Variants in ZNF626 observed in about 807,000 individuals in gnomAD.
ZNF626 encodes the protein CTC-513N18.7.
A neutral mutation model predicts 11.7 loss-of-function variants in ZNF626; 4 were observed. The ratio of observed to expected loss-of-function variants is 0.34; its 90% confidence interval spans 0.17 to 0.78. The LOEUF (loss-of-function observed/expected upper bound fraction) is 0.78. ZNF626 is among the 30% of genes least tolerant of loss of function. The pLI is 0.57. For missense variants in ZNF626, 588 were observed against 587.1 expected (o/e 1.00, Z -0.01); for synonymous variants, 179 against 198.6 (o/e 0.90, Z 0.83).
chr19:20,628,040 T>G (rs9304973), intron 3 of ZNF626, among the ~76,000 whole-genome samples: 68,192 of 151,766 alleles, frequency 0.45, 16,579 homozygotes, highest in African/African-American at 0.64. Context: ...TTTGGTTTTT[T>G]GTCCTTGCGA....
chr19:20,639,035 G>C (rs1969995810), intron 3 of ZNF626, among the ~76,000 whole-genome samples: 1 of 152,118 alleles, frequency 6.6e-6, no homozygotes, highest in Admixed American at 6.6e-5. Flanking sequence ...AACTGCTTCT[G>C]GTGAAGATCT....
At chr19:20,640,066 A>T (rs1420211597) in intron 3 of ZNF626, among the ~76,000 whole-genome samples, 1 of 152,122 alleles carries the variant, frequency 6.6e-6, no homozygotes, top group Non-Finnish European at 1.5e-5. Context: ...GCCATGAGTA[A>T]AAAATGGAGA....
At chr19:20,652,168 G>A (rs1335907950) in intron 1 of ZNF626, among the ~76,000 whole-genome samples, 1 of 152,110 alleles carries the variant, frequency 6.6e-6, no homozygotes, top group Admixed American at 6.6e-5. Flanking sequence ...GAGGCCAGAT[G>A]TTATCTGCAG....
At chr19:20,630,693 G>A (rs1470187439) in intron 3 of ZNF626, among the ~76,000 whole-genome samples, 4 of 152,178 alleles carry the variant, frequency 2.6e-5, no homozygotes, top group East Asian at 1.9e-4. Flanking sequence ...AGTCTTGCTA[G>A]TGGTCTATCA....
At chr19:20,628,681 T>A (rs1214672893) in intron 3 of ZNF626, among the ~76,000 whole-genome samples, 4 of 152,210 alleles carry the variant, frequency 2.6e-5, no homozygotes, top group Non-Finnish European at 5.9e-5. Flanking sequence ...TCTGGATATT[T>A]GCCCTTTGTC....
At chr19:20,657,659 G>T (rs1268568828) in intron 1 of ZNF626, among the ~76,000 whole-genome samples, 3 of 151,960 alleles carry the variant, frequency 2.0e-5, no homozygotes, top group Admixed American at 2.0e-4. Flanking sequence ...TACAAAATTA[G>T]CTAGGTGTGG....
chr19:20,644,491 G>C (rs965284781), intron 3 of ZNF626, among the ~76,000 whole-genome samples: 1 of 152,162 alleles, frequency 6.6e-6, no homozygotes, highest in African/African-American at 2.4e-5. Flanking sequence ...TACAAATTCA[G>C]AGGGCATCTC....
At chr19:20,656,004 G>C (rs1462072988) in intron 1 of ZNF626, among the ~76,000 whole-genome samples, 1 of 152,002 alleles carries the variant, frequency 6.6e-6, no homozygotes, top group African/African-American at 2.4e-5. Flanking sequence ...TGAACTCTTG[G>C]ACATCTGAAA....
intron 3 of ZNF626, among the ~76,000 whole-genome samples, chr19:20,637,907 A>C (rs1969983494): frequency 6.6e-6 from 1 of 152,206 alleles, no homozygotes; most frequent in South Asian, 2.1e-4. Context: ...TGGAAGGCCA[A>C]CGTAGGCTGA....
At chr19:20,630,965 T>C (rs1348921760) in intron 3 of ZNF626, among the ~76,000 whole-genome samples, 1 of 151,992 alleles carries the variant, frequency 6.6e-6, no homozygotes, top group African/African-American at 2.4e-5. Flanking sequence ...GAGATTCTGG[T>C]ATGTTGTGTC....
intron 3 of ZNF626, among the ~76,000 whole-genome samples, chr19:20,636,857 C>T (rs1159240333): frequency 2.0e-5 from 3 of 151,874 alleles, no homozygotes; most frequent in African/African-American, 7.3e-5. Flanking sequence ...ACCGTTTGTA[C>T]TAAAAGTGCA....
At chr19:20,641,135 CAAAAAA>C (rs141617081) in intron 3 of ZNF626, among the ~76,000 whole-genome samples, 2 of 111,876 alleles carry the variant, frequency 1.8e-5, no homozygotes, top group Non-Finnish European at 2.0e-5. Flanking sequence ...GACTCCATCT[CAAAAAA>C]AAAAAAAAAA....
At chr19:20,635,889 T>C (rs1555770859) in intron 3 of ZNF626, among the ~76,000 whole-genome samples, 1 of 152,052 alleles carries the variant, frequency 6.6e-6, no homozygotes, top group African/African-American at 2.4e-5. Flanking sequence ...TCCCAGCACT[T>C]TGGGAGGCCG....
At chr19:20,629,565 A>G (rs1438395009) in intron 3 of ZNF626, among the ~76,000 whole-genome samples, 2 of 152,208 alleles carry the variant, frequency 1.3e-5, no homozygotes, top group African/African-American at 4.8e-5. Context: ...GAGTTTACTC[A>G]TGATTTGGCT....
chr19:20,657,948 G>C (rs868918478), intron 1 of ZNF626, among the ~76,000 whole-genome samples: 20 of 152,224 alleles, frequency 1.3e-4, no homozygotes, highest in Middle Eastern at 6.8e-3. Context: ...CCTAGTTGAG[G>C]GGGGAGGGTG....
intron 3 of ZNF626, among the ~76,000 whole-genome samples, chr19:20,638,158 C>T (rs1407582536): frequency 5.3e-5 from 8 of 151,736 alleles, no homozygotes; most frequent in African/African-American, 1.5e-4. Flanking sequence ...CGTGGTGGCT[C>T]ATGCCTGTAA....
intron 3 of ZNF626, among the ~76,000 whole-genome samples, chr19:20,644,043 C>A (rs772425748): frequency 6.6e-6 from 1 of 152,200 alleles, no homozygotes; most frequent in Non-Finnish European, 1.5e-5. Context: ...TCCTCCCAAG[C>A]CAGAGTCTGG....
At chr19:20,628,793 C>A (rs1220875146) in intron 3 of ZNF626, among the ~76,000 whole-genome samples, 2 of 152,134 alleles carry the variant, frequency 1.3e-5, no homozygotes, top group Admixed American at 6.5e-5. Context: ...TTAATTAGAT[C>A]CCATTTGTCA....
chr19:20,658,038 AC>A (rs1970223765), intron 1 of ZNF626, among the ~76,000 whole-genome samples: 1 of 151,506 alleles, frequency 6.6e-6, no homozygotes, highest in East Asian at 1.9e-4. Flanking sequence ...TGCACTTCAA[AC>A]CCCCATGACG....
Sources: allele counts gnomAD v4.1 joint callset (sites outside exome capture counted in the v4.1 genomes callset), GRCh38; gene constraint gnomAD v4.1.1; transcripts MANE v1.5; gene names NCBI Gene and HGNC (gene_info 2026-07-23, HGNC 2026-07-21).